Variants in GABPA observed in about 807,000 individuals in gnomAD.
GABPA encodes GA-binding protein alpha chain.
A neutral mutation model predicts 59.4 loss-of-function variants in GABPA; 4 were observed. The observed-to-expected ratio is 0.07, with a 90% CI of 0.03 to 0.15. GABPA has a LOEUF of 0.15. Among genes scored for constraint, GABPA ranks in the 10% least tolerant of loss-of-function variants. The probability of loss-of-function intolerance (pLI) is 1.00; values close to 1 mark genes in which losing one functional copy is unlikely to be tolerated. For missense variants in GABPA, 251 were observed against 543.8 expected (o/e 0.46, Z 5.36); for synonymous variants, 164 against 183.1 (o/e 0.90, Z 0.84).
chr21:25,753,418 A>G (rs2035561009), intron 5 of GABPA, among the ~76,000 whole-genome samples: 1 of 152,230 alleles, frequency 6.6e-6, no homozygotes, highest in Non-Finnish European at 1.5e-5. Flanking sequence ...AAAAGAACAC[A>G]CAACTAAAGG....
At chr21:25,764,448 C>A in intron 8 of GABPA, 98 bp downstream of exon 8, 1 of 1,423,866 alleles carries the variant, frequency 7.0e-7, no homozygotes, top group South Asian at 1.3e-5. Context: ...TGGACTATCC[C>A]TCTGGCAGTT....
In GABPA at chr21:25,771,015, A is replaced by G. The variant is rs557394764; in HGVS notation, c.*1783A>G. ...TTAAGAATATCTGAGTAAAATAACA[A>G]TATGAAATAATAAACAGAAGCTCTA... On this transcript the variant is annotated 3_prime_UTR_variant, in exon 10 of 10. Coordinates refer to ENST00000400075, the MANE Select transcript of GABPA (RefSeq NM_002040.4). The G allele has an allele frequency of 4.6e-5, 7 of 152,186 alleles. No individual in the cohort carries two copies. The highest frequency in any genetic ancestry group is 2.0e-4 in the Admixed American group (3 of 15,286). The allele number at this position is 152,186 out of a possible 1,614,324, so 9.4% of individuals were successfully genotyped here.
At position 25,772,426 on chromosome 21, in the gene GABPA, T is replaced by C. The variant is rs1426607270; in HGVS notation, c.*3194T>C. ...AATATTTGTGCATAAAATGTAAAAA[T>C]AGTAAAATGAGAAAAATAAAACTAT... On this transcript the variant is annotated 3_prime_UTR_variant, in exon 10 of 10. Transcript: ENST00000400075. 2.0e-5 allele frequency: 3 copies of C among 152,092 alleles called. No homozygotes were observed. Among genetic ancestry groups the C allele is most frequent in the Admixed American group, 1.3e-4 (2 of 15,268 alleles). The allele number at this position is 152,092 out of a possible 1,614,324, so 9.4% of individuals were successfully genotyped here. A position where few individuals can be genotyped will look rare whatever the true frequency, so the allele number is the denominator to read the frequency against.
chr21:25,754,036 CGCTGCCCAGTACT>C (rs1400651674), intron 5 of GABPA, among the ~76,000 whole-genome samples: 1 of 152,112 alleles, frequency 6.6e-6, no homozygotes, highest in Non-Finnish European at 1.5e-5. Flanking sequence ...TCTGTCCCTC[CGCTGCCCAGTACT>C]GTAGCCACTA....
chr21:25,741,777 T>A (rs1018280041), intron 2 of GABPA, 102 bp downstream of exon 2: 4 of 678,264 alleles, frequency 5.9e-6, no homozygotes, highest in Non-Finnish European at 9.9e-6. Flanking sequence ...TTTTTAACTG[T>A]TCTCAGTATT....
rs765149454 is a variant in GABPA, at chr21:25,762,286, A to C, written c.749-26A>C. On this transcript the variant is annotated intron_variant, in intron 6 of 9. Transcript: ENST00000400075. ...TTTTTATATTTTTGGTTTTAAATAA[A>C]AACAAAAAATTTTTGTTTTTTTCAG... 4.2e-6 allele frequency: 6 copies of C among 1,424,828 alleles called. No homozygotes were observed. The African/African-American group carries it at 8.6e-5, about 20-fold the overall frequency. 88.3% of individuals were successfully genotyped at this position (1,424,828 alleles called of 1,614,324 possible). A position where few individuals can be genotyped will look rare whatever the true frequency, so the allele number is the denominator to read the frequency against.
At chr21:25,767,189 T>C (rs1601157675) in intron 9 of GABPA, among the ~76,000 whole-genome samples, 1 of 151,194 alleles carries the variant, frequency 6.6e-6, no homozygotes, top group South Asian at 2.1e-4. Flanking sequence ...ATTTGGGGAG[T>C]GATTGGGAGG....
intron 7 of GABPA, chr21:25,763,085 T>C: frequency 2.3e-6 from 1 of 440,034 alleles, no homozygotes; most frequent in South Asian, 2.1e-5. Context: ...TAGAAGAGTC[T>C]TTTTGTTTCT....
chr21:25,745,908 G>A (rs2035350938), intron 3 of GABPA, among the ~76,000 whole-genome samples: 1 of 152,120 alleles, frequency 6.6e-6, no homozygotes, highest in South Asian at 2.1e-4. Flanking sequence ...TTTAAAGATA[G>A]GTAGTACTTT....
Position 25,735,021 on chromosome 21 carries a change from C to T in GABPA, c.-584C>T. Reference sequence around the variant, plus strand: ...GAAGCGTCTCGGAGACAGTCTGCGACCGGACGGGTCTAGGTGAGACAGAAG... The same window carrying T: ...GAAGCGTCTCGGAGACAGTCTGCGATCGGACGGGTCTAGGTGAGACAGAAG... On this transcript the variant is annotated 5_prime_UTR_variant, in exon 1 of 10. Coordinates refer to ENST00000400075, the MANE Select transcript of GABPA (RefSeq NM_002040.4). 1.3e-6 allele frequency: 2 copies of T among 1,518,028 alleles called. No homozygotes were observed. Among genetic ancestry groups the T allele is most frequent in the Non-Finnish European group, 1.8e-6 (2 of 1,123,134 alleles). 94.0% of individuals were successfully genotyped at this position (1,518,028 alleles called of 1,614,324 possible).
At chr21:25,756,363 TCTC>T (rs916910868) in intron 5 of GABPA, among the ~76,000 whole-genome samples, 7 of 152,134 alleles carry the variant, frequency 4.6e-5, no homozygotes, top group Non-Finnish European at 8.8e-5. Context: ...ACCTGGGCCT[TCTC>T]CTCTTTCCTT....
chr21:25,757,849 A>AT (rs60518912), intron 5 of GABPA, among the ~76,000 whole-genome samples, 161 bp from the exon 6 acceptor site: 12,329 of 108,472 alleles, frequency 0.11, 706 homozygotes, highest in African/African-American at 0.15. Context: ...TTACAGCATA[A>AT]TTTTTTTTTT....
intron 6 of GABPA, among the ~76,000 whole-genome samples, chr21:25,760,065 T>C (rs775903469): frequency 5.3e-5 from 8 of 152,232 alleles, no homozygotes; most frequent in Non-Finnish European, 1.0e-4. Flanking sequence ...AGCTCTGCTC[T>C]GGAACCATTG....
intron 2 of GABPA, among the ~76,000 whole-genome samples, chr21:25,743,668 A>T (rs568826581): frequency 8.5e-5 from 13 of 152,150 alleles, no homozygotes; most frequent in South Asian, 2.1e-4. Context: ...AAAACTTTTT[A>T]AAAATGTTTA....
chr21:25,766,496 A>G (rs1228966299), intron 9 of GABPA, among the ~76,000 whole-genome samples: 1 of 151,982 alleles, frequency 6.6e-6, no homozygotes, highest in Non-Finnish European at 1.5e-5. Flanking sequence ...TAGAATATCT[A>G]ACCAATTCTT....
At chr21:25,738,461 A>G (rs1220423073) in intron 1 of GABPA, among the ~76,000 whole-genome samples, 1 of 152,044 alleles carries the variant, frequency 6.6e-6, no homozygotes, top group South Asian at 2.1e-4. Context: ...ACATCTTTCC[A>G]TTCTGTAGCC....
Position 25,741,568 on chromosome 21 carries a change from T to C in GABPA, c.-26-5T>C, listed in dbSNP as rs774299496. 5 of 1,486,660 alleles carry C rather than the reference T, an allele frequency of 3.4e-6. No individual in the cohort carries two copies. Among genetic ancestry groups the C allele is most frequent in the Non-Finnish European group, 4.6e-6 (5 of 1,076,756 alleles). The allele number at this position is 1,486,660 out of a possible 1,614,324, so 92.1% of individuals were successfully genotyped here. On this transcript the variant is annotated splice_polypyrimidine_tract_variant and splice_region_variant and intron_variant, in intron 1 of 9. Coordinates refer to ENST00000400075, the MANE Select transcript of GABPA (RefSeq NM_002040.4). ...TTAAAATATCTTAAAAAGTCACTCT[T>C]GCAGGACTGATCCTTTGAAATACTC...
chr21:25,754,246 A>G (rs1002957613), intron 5 of GABPA, among the ~76,000 whole-genome samples: 1 of 151,900 alleles, frequency 6.6e-6, no homozygotes, highest in African/African-American at 2.4e-5. Flanking sequence ...AACTTTTTAA[A>G]TGTAACTATT....
At chr21:25,737,303 G>C (rs922812310) in intron 1 of GABPA, among the ~76,000 whole-genome samples, 14 of 152,126 alleles carry the variant, frequency 9.2e-5, no homozygotes, top group African/African-American at 3.4e-4. Flanking sequence ...TGAGGAATTG[G>C]TTTCAGAAAA....
Sources: gnomAD v4.1 joint callset for allele counts (sites outside exome capture counted in the v4.1 genomes callset) on GRCh38, gnomAD v4.1.1 for gene constraint, MANE v1.5 for transcripts, NCBI Gene and HGNC (gene_info 2026-07-23, HGNC 2026-07-21) for gene names.